PPM1H: variants seen among roughly 807,000 people sequenced by gnomAD.
The protein encoded by PPM1H is protein phosphatase, Mg2+/Mn2+ dependent 1H.
Under a neutral mutation model 54.9 loss-of-function variants are expected in PPM1H, and 27 were observed. That is an observed-to-expected ratio of 0.49 (90% CI 0.36 to 0.68). The LOEUF (loss-of-function observed/expected upper bound fraction) is 0.68, where lower values mean the gene tolerates loss of function less well. Ranked by LOEUF, PPM1H falls within the 30% of genes least tolerant of loss-of-function variation. PPM1H has a pLI of 0.00. For missense variants in PPM1H, 596 were observed against 667.8 expected (o/e 0.89, Z 1.19); for synonymous variants, 305 against 270.8 (o/e 1.13, Z -1.24).
intron 1 of PPM1H, among the ~76,000 whole-genome samples, chr12:62,834,584 G>C (rs1354698089): frequency 1.3e-5 from 2 of 152,194 alleles, no homozygotes; most frequent in African/African-American, 4.8e-5. Context: ...GGCCTGAGAG[G>C]GCGGGCCTTT....
At chr12:62,816,933 T>C (rs2076869618) in intron 2 of PPM1H, among the ~76,000 whole-genome samples, 1 of 151,564 alleles carries the variant, frequency 6.6e-6, no homozygotes, top group Admixed American at 6.6e-5. Context: ...TCAGCTACTA[T>C]GTACATTTTG....
chr12:62,832,357 GAC>G, intron 1 of PPM1H, 78 bp from the exon 2 acceptor site: 1 of 1,407,696 alleles, frequency 7.1e-7, no homozygotes, highest in Non-Finnish European at 9.7e-7. Flanking sequence ...GGTCAGCCAA[GAC>G]AGTCTCTACA....
Position 62,934,428 on chromosome 12 carries a change from G to A in PPM1H, c.245+64C>T. 1 of 1,475,688 alleles carries A rather than the reference G, an allele frequency of 6.8e-7. No individual in the cohort carries two copies. The highest frequency in any genetic ancestry group is 2.6e-5 in the East Asian group (1 of 38,492). The allele number at this position is 1,475,688 out of a possible 1,614,324, so 91.4% of individuals were successfully genotyped here. A position where few individuals can be genotyped will look rare whatever the true frequency, so the allele number is the denominator to read the frequency against. Reference sequence around the variant, plus strand: ...GGCCGAGAAGCAGGGAGAGAAGAGGGCTGGAACCGTGCGGGGAAGGGCCGC... The same window carrying A: ...GGCCGAGAAGCAGGGAGAGAAGAGGACTGGAACCGTGCGGGGAAGGGCCGC... On this transcript the variant is annotated intron_variant, in intron 1 of 9. Coordinates refer to ENST00000228705, the MANE Select transcript of PPM1H (RefSeq NM_020700.2). The surrounding 1 kb of genome is among the most constrained non-coding windows in gnomAD (Gnocchi z 4.2).
At chr12:62,868,891 T>C (rs1334281615) in intron 1 of PPM1H, among the ~76,000 whole-genome samples, 1 of 152,232 alleles carries the variant, frequency 6.6e-6, no homozygotes, top group Non-Finnish European at 1.5e-5. Context: ...TGAGGTTCCC[T>C]AAGCCTGTAA....
At chr12:62,830,485 G>A (rs894311241) in intron 2 of PPM1H, among the ~76,000 whole-genome samples, 3 of 152,170 alleles carry the variant, frequency 2.0e-5, no homozygotes, top group Admixed American at 1.3e-4. Flanking sequence ...TCGATCTCCT[G>A]ACCTCGTGAT....
chr12:62,691,310 T>C (rs548303805), intron 7 of PPM1H, among the ~76,000 whole-genome samples: 1 of 152,324 alleles, frequency 6.6e-6, no homozygotes, highest in African/African-American at 2.4e-5. Context: ...CCTCACTCTA[T>C]TACCTGGGTG....
chr12:62,699,810 A>T (rs1385912966), intron 6 of PPM1H, among the ~76,000 whole-genome samples: 1 of 152,210 alleles, frequency 6.6e-6, no homozygotes, highest in Non-Finnish European at 1.5e-5. Context: ...CAAACTCAGA[A>T]TATATCTATG....
At chr12:62,801,672 G>A in intron 3 of PPM1H, 144 bp downstream of exon 3, 1 of 854,196 alleles carries the variant, frequency 1.2e-6, no homozygotes, top group Non-Finnish European at 1.8e-6. Context: ...TATTGGGAAT[G>A]GAAGCCCCAT....
chr12:62,924,794 C>A (rs536887198), intron 1 of PPM1H, among the ~76,000 whole-genome samples: 2 of 152,164 alleles, frequency 1.3e-5, no homozygotes, highest in Admixed American at 6.5e-5. Flanking sequence ...GCACTCCCAG[C>A]GCTTTGGGAG....
chr12:62,777,808 G>A (rs960711925), intron 4 of PPM1H, among the ~76,000 whole-genome samples: 2 of 152,158 alleles, frequency 1.3e-5, no homozygotes, highest in African/African-American at 4.8e-5. Context: ...CATCAGTATA[G>A]TCACACCCTG....
intron 5 of PPM1H, among the ~76,000 whole-genome samples, chr12:62,733,488 A>G (rs953029376): frequency 3.3e-5 from 5 of 152,068 alleles, no homozygotes; most frequent in African/African-American, 1.2e-4. Context: ...CGAACTCCTG[A>G]CCTTGTGATC....
At chr12:62,694,917 CA>C (rs2076105534) in intron 6 of PPM1H, among the ~76,000 whole-genome samples, 1 of 152,118 alleles carries the variant, frequency 6.6e-6, no homozygotes, top group Non-Finnish European at 1.5e-5. Flanking sequence ...CCCCTTTCTG[CA>C]AAATGGGGAT....
chr12:62,882,226 T>C (rs1199828842), intron 1 of PPM1H, among the ~76,000 whole-genome samples: 2 of 152,262 alleles, frequency 1.3e-5, no homozygotes, highest in Non-Finnish European at 2.9e-5. Flanking sequence ...ATACACTATG[T>C]GCCAGGTGCC....
intron 5 of PPM1H, among the ~76,000 whole-genome samples, chr12:62,735,124 G>GTGAA (rs2076343736): frequency 6.6e-6 from 1 of 152,190 alleles, no homozygotes; most frequent in Admixed American, 6.5e-5. Flanking sequence ...ATACCCTGCT[G>GTGAA]TGAAATGTTT....
chr12:62,898,158 C>T (rs1157548866), intron 1 of PPM1H, among the ~76,000 whole-genome samples: 1 of 152,174 alleles, frequency 6.6e-6, no homozygotes, highest in Non-Finnish European at 1.5e-5. Flanking sequence ...TTCTGCATTT[C>T]ATTGTCAATG....
chr12:62,667,101 T>C (rs761176864), intron 9 of PPM1H, 77 bp downstream of exon 9: 76 of 1,428,456 alleles, frequency 5.3e-5, no homozygotes, highest in African/African-American at 8.6e-5. Context: ...ATTATGAAAA[T>C]TGCATGATTA....
In PPM1H at chr12:62,663,071, G is replaced by A. The variant is rs527671684; in HGVS notation, c.1397+4107C>T. On this transcript the variant is annotated intron_variant, in intron 9 of 9. Coordinates refer to ENST00000228705, the MANE Select transcript of PPM1H (RefSeq NM_020700.2). ...AGCACAGCTTTGGCTCATTTTGGGG[G>A]TGGGGGAGGTGCTATAAAGTATCCC... Among the ~76,000 whole-genome samples the A allele has an allele frequency of 4.6e-5, 7 of 152,212 alleles. No homozygotes were observed. The South Asian group carries it at 1.2e-3, about 27-fold the overall frequency.
chr12:62,821,666 T>C (rs2076903763), intron 2 of PPM1H, among the ~76,000 whole-genome samples: 1 of 152,166 alleles, frequency 6.6e-6, no homozygotes. Context: ...AAACTAAGCT[T>C]CATAAGTGAA....
At chr12:62,715,479 C>T (rs2076229853) in intron 6 of PPM1H, among the ~76,000 whole-genome samples, 1 of 152,062 alleles carries the variant, frequency 6.6e-6, no homozygotes, top group African/African-American at 2.4e-5. Flanking sequence ...AGGGAAGAGG[C>T]CAACTGCATT....
Sources: allele counts gnomAD v4.1 joint callset (sites outside exome capture counted in the v4.1 genomes callset), GRCh38; gene constraint gnomAD v4.1.1; non-coding constraint Gnocchi (gnomAD v3.1); transcripts MANE v1.5; gene names NCBI Gene and HGNC (gene_info 2026-07-23, HGNC 2026-07-21).